The following SLC30A8 variants were observed in gnomAD, a reference collection of about 807,000 sequenced individuals.
The protein encoded by SLC30A8 is solute carrier family 30 member 8.
A neutral mutation model predicts 36.9 loss-of-function variants in SLC30A8; 27 were observed. That is an observed-to-expected ratio of 0.73 (90% CI 0.54 to 1.01). SLC30A8 has a LOEUF of 1.01. Ranked by LOEUF, SLC30A8 falls within the 50% of genes least tolerant of loss-of-function variation. SLC30A8 has a pLI of 0.00. For synonymous variants in SLC30A8, 164 were observed against 172.4 expected (o/e 0.95, Z 0.38); for missense variants, 439 against 452.0 (o/e 0.97, Z 0.26).
intron 1 of SLC30A8, among the ~76,000 whole-genome samples, chr8:116,982,298 T>C (rs1428022023): frequency 6.6e-6 from 1 of 152,260 alleles, no homozygotes; most frequent in East Asian, 1.9e-4. Context: ...AATGCCACTA[T>C]GAATATTCAT....
At chr8:117,109,695 C>T (rs548477471) in intron 2 of SLC30A8, among the ~76,000 whole-genome samples, 4 of 152,308 alleles carry the variant, frequency 2.6e-5, no homozygotes, top group East Asian at 3.9e-4. Context: ...TCGGTATTTA[C>T]GTCTGTTGAA....
intron 2 of SLC30A8, among the ~76,000 whole-genome samples, chr8:117,070,008 C>T (rs946391747): frequency 2.6e-5 from 4 of 152,226 alleles, no homozygotes; most frequent in Non-Finnish European, 5.9e-5. Context: ...GACTCTTTCA[C>T]ATTCAAACTC....
At chr8:117,128,115 T>C (rs1011613376) in intron 2 of SLC30A8, among the ~76,000 whole-genome samples, 1 of 152,048 alleles carries the variant, frequency 6.6e-6, no homozygotes, top group Non-Finnish European at 1.5e-5. Context: ...ACCTGAGTTA[T>C]CTCCTAGGGC....
chr8:117,172,531 A>C lies in SLC30A8; in HGVS notation c.965-5A>C, dbSNP rs375645976. The C allele has an allele frequency of 1.8e-5, 29 of 1,613,496 alleles. No individual in the cohort carries two copies. Among genetic ancestry groups the C allele is most frequent in the Non-Finnish European group, 2.5e-5 (29 of 1,179,668 alleles). On this transcript the variant is annotated splice_region_variant and splice_polypyrimidine_tract_variant and intron_variant, in intron 7 of 7. Transcript: ENST00000456015. ...GCTAATCTCCCTGTGCTTCTTTATC[A>C]ACAGCAGCCAGCCGGGACAGCCAAG...
chr8:117,147,156 G>C lies in SLC30A8; in HGVS notation c.271+3G>C. ...TTTCATGATTGCAGAGGTCGTGGGT[G>C]AGTCTTTCTGCAGACTTTTTTCATT... On this transcript the variant is annotated splice_donor_region_variant and intron_variant, in intron 2 of 7. Transcript: ENST00000456015. 1 of 1,612,874 alleles carries C rather than the reference G, an allele frequency of 6.2e-7. No individual in the cohort carries two copies. Among genetic ancestry groups the C allele is most frequent in the Non-Finnish European group, 8.5e-7 (1 of 1,179,566 alleles).
At chr8:116,978,648 A>T (rs895562180) in intron 1 of SLC30A8, among the ~76,000 whole-genome samples, 1 of 152,264 alleles carries the variant, frequency 6.6e-6, no homozygotes, top group Non-Finnish European at 1.5e-5. Flanking sequence ...AAATGTTATG[A>T]AAGAAAGCCA....
intron 1 of SLC30A8, among the ~76,000 whole-genome samples, chr8:117,009,708 C>A (rs1293299833): frequency 6.6e-6 from 1 of 152,166 alleles, no homozygotes; most frequent in African/African-American, 2.4e-5. Context: ...GTTTATTTTG[C>A]TGGGGAGACA....
chr8:117,032,884 C>T (rs1817099835), intron 1 of SLC30A8, among the ~76,000 whole-genome samples: 1 of 150,560 alleles, frequency 6.6e-6, no homozygotes, highest in South Asian at 2.1e-4. Flanking sequence ...CAGCGAGACT[C>T]TGTCTTTAAA....
chr8:117,144,892 A>G (rs1821830320), intron 1 of SLC30A8, among the ~76,000 whole-genome samples: 1 of 152,182 alleles, frequency 6.6e-6, no homozygotes, highest in African/African-American at 2.4e-5. Context: ...TAAGTCAATC[A>G]GCTCATCCAT....
At chr8:117,138,189 T>C (rs372711306) in intron 1 of SLC30A8, among the ~76,000 whole-genome samples, 4 of 151,274 alleles carry the variant, frequency 2.6e-5, no homozygotes, top group South Asian at 4.2e-4. Flanking sequence ...CCCCAAGCCA[T>C]ATGTTGAAGA....
intron 3 of SLC30A8, among the ~76,000 whole-genome samples, 179 bp downstream of exon 3, chr8:117,153,269 A>G (rs984046455): frequency 1.3e-5 from 2 of 152,218 alleles, no homozygotes; most frequent in African/African-American, 4.8e-5. Flanking sequence ...TTCAGATAAC[A>G]GACAGATTAA....
intron 2 of SLC30A8, among the ~76,000 whole-genome samples, chr8:117,092,005 T>C (rs985856843): frequency 6.6e-6 from 1 of 152,172 alleles, no homozygotes; most frequent in Non-Finnish European, 1.5e-5. Flanking sequence ...TACTTCCCTG[T>C]ATTATGCTGA....
intron 2 of SLC30A8, among the ~76,000 whole-genome samples, chr8:117,115,804 G>T (rs1820418713): frequency 6.6e-6 from 1 of 152,042 alleles, no homozygotes; most frequent in Non-Finnish European, 1.5e-5. Context: ...TCAATGAGGA[G>T]GGGCTAGCTG....
chr8:117,127,821 C>T (rs560179793), intron 2 of SLC30A8, among the ~76,000 whole-genome samples: 20 of 151,988 alleles, frequency 1.3e-4, no homozygotes, highest in African/African-American at 4.6e-4. Context: ...TTCCTTCCTC[C>T]GTCTTTATTC....
In SLC30A8 at chr8:117,176,193, A is replaced by G. The variant is rs1586630656; in HGVS notation, c.*3512A>G. On this transcript the variant is annotated 3_prime_UTR_variant, in exon 8 of 8. Transcript: ENST00000456015. ...AATATCTGTTAAATTTTGTGACCCA[A>G]CAAAGTCTTTTAGCACTGTGGTGTC... The G allele has an allele frequency of 2.0e-5, 3 of 152,530 alleles. No homozygotes were observed. The East Asian group carries it at 5.8e-4, about 30-fold the overall frequency. The allele number at this position is 152,530 out of a possible 1,614,324, so 9.4% of individuals were successfully genotyped here.
rs547941824 is a variant in SLC30A8 at position 117,039,399 on chromosome 8, A to G, written c.-226+141A>G. On this transcript the variant is annotated intron_variant, in intron 2 of 10. Coordinates refer to the SLC30A8 transcript ENST00000427715. ...TCTAATAATATATCTAATGGCTTAC[A>G]TCTTTCTTAATAGATAAAAATATCC... is the stretch of plus-strand genomic sequence containing the variant. 1.7e-4 allele frequency: 26 copies of G among 152,250 alleles called. No individual in the cohort carries two copies. The South Asian group carries it at 5.2e-3, about 30-fold the overall frequency. The allele number at this position is 152,250 out of a possible 1,614,324, so 9.4% of individuals were successfully genotyped here.
At chr8:116,985,513 G>C (rs1416186123) in intron 1 of SLC30A8, among the ~76,000 whole-genome samples, 4 of 152,106 alleles carry the variant, frequency 2.6e-5, no homozygotes, top group African/African-American at 9.6e-5. Context: ...GAGTAATGCT[G>C]CAATAAATGT....
intron 2 of SLC30A8, among the ~76,000 whole-genome samples, chr8:117,080,643 A>G (rs973308399): frequency 7.9e-5 from 12 of 152,214 alleles, no homozygotes; most frequent in African/African-American, 2.7e-4. Flanking sequence ...AGCTGCATCC[A>G]TGTTGCTGCA....
rs1356644418 is a variant in SLC30A8, at chr8:117,147,166, G to A, written c.271+13G>A. ...GCAGAGGTCGTGGGTGAGTCTTTCT[G>A]CAGACTTTTTTCATTAAACAACCAA... On this transcript the variant is annotated intron_variant, in intron 2 of 7. Coordinates refer to ENST00000456015, the MANE Select transcript of SLC30A8 (RefSeq NM_173851.3). The A allele has an allele frequency of 1.9e-5, 30 of 1,611,334 alleles. No homozygotes were observed. The highest frequency in any genetic ancestry group is 2.5e-5 in the Non-Finnish European group (30 of 1,178,726).
Sources: allele counts gnomAD v4.1 joint callset (sites outside exome capture counted in the v4.1 genomes callset), GRCh38; gene constraint gnomAD v4.1.1; transcripts MANE v1.5; gene names NCBI Gene and HGNC (gene_info 2026-07-23, HGNC 2026-07-21).